The following DLEC1 variants were observed in gnomAD, a reference collection of about 807,000 sequenced individuals.
DLEC1 encodes the protein deleted in lung and esophageal cancer protein 1.
DLEC1 carries 146 observed loss-of-function variants against 198.1 expected under a neutral mutation model. The ratio of observed to expected loss-of-function variants is 0.74; its 90% CI spans 0.64 to 0.85. The LOEUF (loss-of-function observed/expected upper bound fraction) is 0.85, where lower values mean the gene tolerates loss of function less well. Among genes scored for constraint, DLEC1 ranks in the 40% least tolerant of loss-of-function variants. The probability of loss-of-function intolerance (pLI) is 0.00; values close to 1 mark genes in which losing one functional copy is unlikely to be tolerated. For missense variants in DLEC1, 2,233 were observed against 2,220.0 expected (o/e 1.01, Z -0.12); for synonymous variants, 897 against 866.8 (o/e 1.03, Z -0.61).
intron 27 of DLEC1, 137 bp from the exon 28 acceptor site, chr3:38,116,311 CATTAG>C: frequency 1.4e-6 from 1 of 723,848 alleles, no homozygotes; most frequent in Non-Finnish European, 2.3e-6. Context: ...CTGGAAGTGG[CATTAG>C]AGAGGCAGAG....
chr3:38,103,876 C>T (rs1334373261), intron 19 of DLEC1: 4 of 152,154 alleles, frequency 2.6e-5, no homozygotes, highest in South Asian at 2.1e-4. Flanking sequence ...AGCCCATTAT[C>T]GTATATGATT....
chr3:38,040,023 A>C (rs1700580500), intron 1 of DLEC1, among the ~76,000 whole-genome samples: 1 of 152,210 alleles, frequency 6.6e-6, no homozygotes, highest in African/African-American at 2.4e-5. Flanking sequence ...TGACTGGGCC[A>C]TTCATGCGCA....
At chr3:38,065,400 A>G (rs1696974795) in intron 6 of DLEC1, among the ~76,000 whole-genome samples, 2 of 149,936 alleles carry the variant, frequency 1.3e-5, no homozygotes, top group African/African-American at 2.5e-5. Context: ...GGAGAGGAAG[A>G]CCGTGCAGAG....
chr3:38,082,648 G>A (rs373622728), intron 6 of DLEC1, among the ~76,000 whole-genome samples: 1 of 151,984 alleles, frequency 6.6e-6, no homozygotes, highest in East Asian at 1.9e-4. Flanking sequence ...AGAAGGGGTT[G>A]AGGGGTACTT....
intron 10 of DLEC1, among the ~76,000 whole-genome samples, chr3:38,091,228 C>A (rs1425813539): frequency 6.6e-6 from 1 of 152,084 alleles, no homozygotes; most frequent in African/African-American, 2.4e-5. Flanking sequence ...CTTTGGGAGG[C>A]TGAGGTGGGA....
intron 21 of DLEC1, among the ~76,000 whole-genome samples, chr3:38,108,977 C>G (rs1219734746): frequency 6.6e-6 from 1 of 152,204 alleles, no homozygotes; most frequent in Non-Finnish European, 1.5e-5. Flanking sequence ...CTTTGTGGTT[C>G]TTGTGGGAAA....
At chr3:38,090,039 A>C (rs1698661861) in intron 10 of DLEC1, among the ~76,000 whole-genome samples, 1 of 151,978 alleles carries the variant, frequency 6.6e-6, no homozygotes. Context: ...GTAAAAAATA[A>C]ATTCAAAAGA....
At chr3:38,062,122 C>A in intron 3 of DLEC1, 47 bp from the exon 4 acceptor site, 1 of 1,604,276 alleles carries the variant, frequency 6.2e-7, no homozygotes. Flanking sequence ...GAATGCCCAC[C>A]TCCTCACCTT....
At chr3:38,105,321 A>G (rs1378557790) in intron 19 of DLEC1, among the ~76,000 whole-genome samples, 1 of 152,020 alleles carries the variant, frequency 6.6e-6, no homozygotes, top group Non-Finnish European at 1.5e-5. Context: ...TTCTATTTCA[A>G]TGTTTATCTT....
chr3:38,063,806 A>G, intron 5 of DLEC1, 35 bp from the exon 6 acceptor site: 1 of 1,520,708 alleles, frequency 6.6e-7, no homozygotes, highest in Non-Finnish European at 9.1e-7. Flanking sequence ...GGATGAAACT[A>G]ACAGCCTTTC....
At position 38,112,067 on chromosome 3, in the gene DLEC1, C is replaced by G; in HGVS notation, c.3515-143C>G. The G allele has an allele frequency of 7.5e-7, 1 of 1,336,356 alleles. No homozygotes were observed. Among genetic ancestry groups the G allele is most frequent in the Non-Finnish European group, 1.0e-6 (1 of 963,396 alleles). 82.8% of individuals were successfully genotyped at this position (1,336,356 alleles called of 1,614,324 possible). A position where few individuals can be genotyped will look rare whatever the true frequency, so the allele number is the denominator to read the frequency against. On this transcript the variant is annotated intron_variant, in intron 24 of 36. Transcript: ENST00000308059. This position sits in a 1 kb window ranked among gnomAD's most constrained non-coding sequence, Gnocchi z 4.8. ...TAGCTTGCCTCTGGATTCCAGGCTC[C>G]CAGGAGGAGGGCACATGTAGCCTGA...
chr3:38,051,467 G>A (rs1025392993), intron 2 of DLEC1, among the ~76,000 whole-genome samples: 4 of 152,238 alleles, frequency 2.6e-5, no homozygotes, highest in African/African-American at 9.7e-5. Context: ...GGCCATCGAG[G>A]AGGACATGGC....
chr3:38,085,583 G>A, intron 8 of DLEC1, 136 bp downstream of exon 8: 1 of 1,024,650 alleles, frequency 9.8e-7, no homozygotes, highest in Admixed American at 2.6e-5. Flanking sequence ...TCCTGCAGAG[G>A]AAACTGCTAG....
chr3:38,067,673 A>AT (rs1559412346), intron 6 of DLEC1, among the ~76,000 whole-genome samples: 1 of 151,440 alleles, frequency 6.6e-6, no homozygotes, highest in Non-Finnish European at 1.5e-5. Flanking sequence ...TAGCTTCTCT[A>AT]TGTGGGCTGT....
chr3:38,100,690 G>A (rs1042011533), intron 19 of DLEC1, among the ~76,000 whole-genome samples: 18 of 152,048 alleles, frequency 1.2e-4, no homozygotes, highest in Non-Finnish European at 1.5e-4. Context: ...AACTACTTTC[G>A]AAACTACGTT....
chr3:38,118,688 G>A (rs572152415), intron 33 of DLEC1, among the ~76,000 whole-genome samples: 38 of 152,044 alleles, frequency 2.5e-4, no homozygotes, highest in African/African-American at 8.2e-4. Flanking sequence ...AGACAGCGCC[G>A]CCCTGTCTCC....
intron 2 of DLEC1, among the ~76,000 whole-genome samples, chr3:38,055,023 G>A (rs564088747): frequency 4.6e-5 from 7 of 152,336 alleles, no homozygotes; most frequent in South Asian, 4.1e-4. Flanking sequence ...CAAAGAGAAC[G>A]TCTGGAAATG....
chr3:38,068,001 G>C (rs1288427534), intron 6 of DLEC1, among the ~76,000 whole-genome samples: 1 of 152,060 alleles, frequency 6.6e-6, no homozygotes, highest in Non-Finnish European at 1.5e-5. Context: ...TGATTCACTC[G>C]CCTTGGCCTC....
intron 18 of DLEC1, among the ~76,000 whole-genome samples, chr3:38,099,972 C>T (rs1184786051): frequency 1.3e-5 from 2 of 152,198 alleles, no homozygotes; most frequent in Non-Finnish European, 2.9e-5. Context: ...CTCACCAGCT[C>T]TCCTCTGGCT....
Sources: allele counts gnomAD v4.1 joint callset (sites outside exome capture counted in the v4.1 genomes callset), GRCh38; gene constraint gnomAD v4.1.1; non-coding constraint Gnocchi (gnomAD v3.1); transcripts MANE v1.5; gene names NCBI Gene and HGNC (gene_info 2026-07-23, HGNC 2026-07-21).